The following LRRC4C variants were observed in gnomAD, a reference collection of about 807,000 sequenced individuals.
LRRC4C encodes the protein leucine-rich repeat-containing protein 4C.
Under a neutral mutation model 33.6 loss-of-function variants are expected in LRRC4C, and 5 were observed. The ratio of observed to expected loss-of-function variants is 0.15; its 90% CI spans 0.08 to 0.31. The LOEUF (loss-of-function observed/expected upper bound fraction) is 0.31. Among genes scored for constraint, LRRC4C ranks in the 10% least tolerant of loss-of-function variants. The pLI, the probability that LRRC4C is intolerant of heterozygous loss-of-function variation, is 1.00. For synonymous variants in LRRC4C, 329 were observed against 302.0 expected, an observed-to-expected ratio of 1.09 and a Z score of -0.93; for missense variants, 560 against 796.7, an observed-to-expected ratio of 0.70 and a Z score of 3.58.
chr11:40,511,666 C>T lies in LRRC4C; in HGVS notation c.-270+136476G>A, dbSNP rs541715139. Among the ~76,000 whole-genome samples the T allele has an allele frequency of 1.5e-4, 23 of 152,250 alleles. 3 individuals carry two copies. In the South Asian group the frequency reaches 4.6e-3, roughly 30 times the overall value. The stretch of plus-strand genomic sequence containing the variant: ...GGCAGCATTCTCTCCAGACTCGAAA[C>T]TGAAGCACCAGCAGGGAATGCCACA... On this transcript the variant is annotated intron_variant, in intron 3 of 6. Transcript: ENST00000528697.
At chr11:40,655,834 C>G (rs1263377480) in intron 2 of LRRC4C, among the ~76,000 whole-genome samples, 1 of 152,188 alleles carries the variant, frequency 6.6e-6, no homozygotes, top group Non-Finnish European at 1.5e-5. Context: ...ACTCACAGTT[C>G]TGCATGGCTT....
intron 3 of LRRC4C, among the ~76,000 whole-genome samples, chr11:40,360,325 A>G (rs1947889895): frequency 6.6e-6 from 1 of 152,192 alleles, no homozygotes; most frequent in African/African-American, 2.4e-5. Flanking sequence ...CAAGTAGCAA[A>G]GAGTGATACA....
chr11:40,324,215 T>A (rs548759886), intron 3 of LRRC4C, among the ~76,000 whole-genome samples: 1 of 152,352 alleles, frequency 6.6e-6, no homozygotes, highest in East Asian at 1.9e-4. Flanking sequence ...ATCCTTAAAA[T>A]CATGCAGATG....
At chr11:41,273,321 A>G (rs1445286389) in intron 1 of LRRC4C, among the ~76,000 whole-genome samples, 1 of 152,174 alleles carries the variant, frequency 6.6e-6, no homozygotes, top group Non-Finnish European at 1.5e-5. Context: ...ACCATTCACA[A>G]TAGTCAACAT....
chr11:41,273,868 T>C (rs552954996), intron 1 of LRRC4C, among the ~76,000 whole-genome samples: 216 of 152,280 alleles, frequency 1.4e-3, no homozygotes, highest in African/African-American at 5.0e-3. Context: ...AATATATACA[T>C]TAAATATGTG....
chr11:40,912,489 C>G (rs887815230), intron 2 of LRRC4C, among the ~76,000 whole-genome samples: 26 of 152,250 alleles, frequency 1.7e-4, no homozygotes, highest in Middle Eastern at 6.8e-3. Flanking sequence ...TACAGACAAG[C>G]AAATGCTGAG....
chr11:40,998,010 G>A (rs776776677), intron 1 of LRRC4C, among the ~76,000 whole-genome samples: 5 of 152,032 alleles, frequency 3.3e-5, no homozygotes, highest in East Asian at 1.9e-4. Context: ...TCCTAGCATC[G>A]TAGCTGGGCA....
chr11:41,371,511 C>A (rs1952746081), intron 1 of LRRC4C, among the ~76,000 whole-genome samples: 2 of 152,046 alleles, frequency 1.3e-5, no homozygotes, highest in African/African-American at 4.8e-5. Flanking sequence ...AGTTGTGGGA[C>A]ATTTATCTTC....
At chr11:40,637,342 C>T (rs1018547024) in intron 3 of LRRC4C, among the ~76,000 whole-genome samples, 2 of 151,930 alleles carry the variant, frequency 1.3e-5, no homozygotes, top group Non-Finnish European at 2.9e-5. Context: ...AGTCTGGACA[C>T]GATAAGATCA....
chr11:40,705,838 C>G (rs1946144077), intron 2 of LRRC4C, among the ~76,000 whole-genome samples: 1 of 152,074 alleles, frequency 6.6e-6, no homozygotes, highest in African/African-American at 2.4e-5. Context: ...TAAAAGTGTT[C>G]CTATTTCTCC....
At chr11:40,804,719 A>T (rs1951174538) in intron 2 of LRRC4C, among the ~76,000 whole-genome samples, 1 of 152,174 alleles carries the variant, frequency 6.6e-6, no homozygotes, top group South Asian at 2.1e-4. Flanking sequence ...TCATCCAAAG[A>T]TTTTACAGCA....
chr11:40,613,682 TA>T (rs1219934842), intron 3 of LRRC4C, among the ~76,000 whole-genome samples: 4 of 151,836 alleles, frequency 2.6e-5, no homozygotes. Context: ...ATTTCCAATT[TA>T]CTTTGCCAAG....
At chr11:41,269,989 T>C (rs535954233) in intron 1 of LRRC4C, among the ~76,000 whole-genome samples, 4 of 152,286 alleles carry the variant, frequency 2.6e-5, no homozygotes, top group Non-Finnish European at 5.9e-5. Flanking sequence ...CTGTTTTTAT[T>C]AGTAAGAAAT....
chr11:40,184,489 C>T (rs1861255215), intron 5 of LRRC4C, among the ~76,000 whole-genome samples: 1 of 152,004 alleles, frequency 6.6e-6, no homozygotes, highest in African/African-American at 2.4e-5. Flanking sequence ...AGAAACCAGG[C>T]AAGAATAAGG....
intron 3 of LRRC4C, among the ~76,000 whole-genome samples, chr11:40,567,264 G>T (rs895469510): frequency 6.6e-6 from 1 of 151,884 alleles, no homozygotes; most frequent in Non-Finnish European, 1.5e-5. Context: ...AAAACACTTG[G>T]TAATCACATT....
intron 5 of LRRC4C, among the ~76,000 whole-genome samples, chr11:40,222,257 C>T (rs993853740): frequency 6.6e-6 from 1 of 152,084 alleles, no homozygotes; most frequent in Non-Finnish European, 1.5e-5. Context: ...TTCATGGCCT[C>T]GCTTAAAGTG....
chr11:40,190,278 G>A (rs1025668629), intron 5 of LRRC4C, among the ~76,000 whole-genome samples: 12 of 152,156 alleles, frequency 7.9e-5, no homozygotes, highest in African/African-American at 2.9e-4. Flanking sequence ...ACTATAATTT[G>A]CAACATTGGC....
At chr11:40,152,097 C>A (rs1858262888) in intron 5 of LRRC4C, among the ~76,000 whole-genome samples, 1 of 152,110 alleles carries the variant, frequency 6.6e-6, no homozygotes, top group Non-Finnish European at 1.5e-5. Context: ...ACTGCTCCTG[C>A]AGGACTCGAG....
intron 2 of LRRC4C, among the ~76,000 whole-genome samples, chr11:40,807,373 TA>T (rs1242940386): frequency 2.0e-5 from 3 of 152,222 alleles, no homozygotes; most frequent in African/African-American, 7.2e-5. Context: ...ATAGTAGGTC[TA>T]ACCATGAAGA....
Sources: allele counts gnomAD v4.1 joint callset (sites outside exome capture counted in the v4.1 genomes callset), GRCh38; gene constraint gnomAD v4.1.1; transcripts MANE v1.5; gene names NCBI Gene and HGNC (gene_info 2026-07-23, HGNC 2026-07-21).